The following CNBD1 variants were observed in gnomAD, a reference collection of about 807,000 sequenced individuals.
The protein encoded by CNBD1 is cyclic nucleotide binding domain containing 1.
A neutral mutation model predicts 54.4 loss-of-function variants in CNBD1; 71 were observed. The ratio of observed to expected loss-of-function variants is 1.30; its 90% CI spans 1.08 to 1.59. The LOEUF (loss-of-function observed/expected upper bound fraction) is 1.59. CNBD1 is among the 40% of genes most tolerant of loss of function. CNBD1 has a pLI of 0.00. For synonymous variants in CNBD1, 182 were observed against 170.7 expected, an observed-to-expected ratio of 1.07 and a Z score of -0.51; for missense variants, 659 against 518.0, an observed-to-expected ratio of 1.27 and a Z score of -2.64.
intron 10 of CNBD1, among the ~76,000 whole-genome samples, chr8:87,363,996 GT>G (rs1810581799): frequency 6.6e-6 from 1 of 150,842 alleles, no homozygotes; most frequent in South Asian, 2.1e-4. Flanking sequence ...GAATGAAAAA[GT>G]TTTAGACAAA....
At chr8:87,247,596 T>C (rs1421694863) in intron 6 of CNBD1, among the ~76,000 whole-genome samples, 3 of 150,702 alleles carry the variant, frequency 2.0e-5, no homozygotes, top group Non-Finnish European at 4.4e-5. Flanking sequence ...CCATTCTGCG[T>C]CACTGAAATA....
At chr8:87,129,376 T>A (rs188174398) in intron 4 of CNBD1, among the ~76,000 whole-genome samples, 385 of 152,264 alleles carry the variant, frequency 2.5e-3, no homozygotes, top group Non-Finnish European at 3.6e-3. Flanking sequence ...CCTATTTATC[T>A]CTCTGTTATC....
chr8:87,136,592 ATAT>A (rs367640021), intron 4 of CNBD1, among the ~76,000 whole-genome samples: 1 of 72,918 alleles, frequency 1.4e-5, no homozygotes, highest in Admixed American at 2.7e-4. Flanking sequence ...TATAAATTAT[ATAT>A]TATATTTATA....
chr8:87,239,024 A>G (rs921979212), intron 6 of CNBD1, among the ~76,000 whole-genome samples: 2 of 152,248 alleles, frequency 1.3e-5, no homozygotes, highest in South Asian at 2.1e-4. Context: ...TTAAAATTTT[A>G]TCAGTGGTAC....
intron 5 of CNBD1, among the ~76,000 whole-genome samples, chr8:87,220,465 A>G (rs904179935): frequency 5.3e-5 from 8 of 150,430 alleles, no homozygotes; most frequent in African/African-American, 1.5e-4. Flanking sequence ...TGTCCCTTAC[A>G]AGAGTTCTCC....
intron 8 of CNBD1, among the ~76,000 whole-genome samples, chr8:87,299,627 G>T (rs1808945555): frequency 6.6e-6 from 1 of 152,150 alleles, no homozygotes; most frequent in East Asian, 1.9e-4. Flanking sequence ...TGGATTCCTT[G>T]TTTGTTGGAG....
At chr8:87,335,985 G>C (rs934654481) in intron 8 of CNBD1, among the ~76,000 whole-genome samples, 3 of 151,552 alleles carry the variant, frequency 2.0e-5, no homozygotes, top group Non-Finnish European at 4.4e-5. Context: ...GCTGGATATG[G>C]GTTGAAAATT....
intron 8 of CNBD1, among the ~76,000 whole-genome samples, chr8:87,333,538 A>T (rs1809879551): frequency 6.6e-6 from 1 of 152,158 alleles, no homozygotes; most frequent in South Asian, 2.1e-4. Flanking sequence ...TATTATTTTG[A>T]GATATGTTCC....
chr8:87,332,481 T>C (rs1809856883), intron 8 of CNBD1, among the ~76,000 whole-genome samples: 1 of 152,182 alleles, frequency 6.6e-6, no homozygotes, highest in South Asian at 2.1e-4. Context: ...TGGTATTGCC[T>C]AGGTTTTCTT....
intron 3 of CNBD1, among the ~76,000 whole-genome samples, chr8:86,934,702 A>T (rs920728771): frequency 6.6e-6 from 1 of 152,168 alleles, no homozygotes; most frequent in Non-Finnish European, 1.5e-5. Flanking sequence ...GAACCATATG[A>T]GGTGTTTTTT....
At chr8:87,239,073 G>A (rs2130827728) in intron 6 of CNBD1, among the ~76,000 whole-genome samples, 1 of 152,196 alleles carries the variant, frequency 6.6e-6, no homozygotes, top group East Asian at 1.9e-4. Context: ...CTCCAGTGAT[G>A]GATTTGTATT....
At chr8:87,319,182 A>T (rs1663102690) in intron 8 of CNBD1, among the ~76,000 whole-genome samples, 1 of 152,112 alleles carries the variant, frequency 6.6e-6, no homozygotes, top group Non-Finnish European at 1.5e-5. Context: ...TTTCACATTT[A>T]GAATAACACT....
intron 1 of CNBD1, among the ~76,000 whole-genome samples, chr8:86,877,028 A>T (rs1808530913): frequency 6.6e-6 from 1 of 152,094 alleles, no homozygotes; most frequent in African/African-American, 2.4e-5. Context: ...TAGAAAATGC[A>T]TATTTATAAC....
intron 6 of CNBD1, among the ~76,000 whole-genome samples, chr8:87,261,711 T>G (rs72665099): frequency 0.045 from 6,820 of 152,182 alleles, 206 homozygotes; most frequent in Non-Finnish European, 0.066. Context: ...TACAGGTGCC[T>G]ACTTCTAAGT....
At chr8:87,088,036 T>C (rs959653793) in intron 4 of CNBD1, among the ~76,000 whole-genome samples, 2 of 152,180 alleles carry the variant, frequency 1.3e-5, no homozygotes, top group African/African-American at 2.4e-5. Flanking sequence ...TTTGTCACCA[T>C]AGAATAGCCT....
intron 4 of CNBD1, among the ~76,000 whole-genome samples, chr8:87,029,511 T>C (rs1341332673): frequency 6.6e-6 from 1 of 152,024 alleles, no homozygotes; most frequent in African/African-American, 2.4e-5. Context: ...GAAGACAAAA[T>C]CCCTCATGTG....
intron 2 of CNBD1, among the ~76,000 whole-genome samples, chr8:86,892,587 A>G (rs1808786151): frequency 2.0e-5 from 3 of 152,168 alleles, no homozygotes; most frequent in Admixed American, 2.0e-4. Context: ...AAAGAAGAAA[A>G]TAACATTTTA....
intron 4 of CNBD1, among the ~76,000 whole-genome samples, chr8:86,943,451 A>G (rs889862922): frequency 5.3e-5 from 8 of 151,596 alleles, no homozygotes; most frequent in African/African-American, 1.9e-4. Context: ...TTGGTGTGCT[A>G]TAGCTTAATC....
chr8:87,058,174 G>A (rs1810463125), intron 4 of CNBD1, among the ~76,000 whole-genome samples: 4 of 152,186 alleles, frequency 2.6e-5, no homozygotes, highest in Admixed American at 6.5e-5. Flanking sequence ...GATCTCCTTT[G>A]ACTCCACGTG....
Sources: allele counts gnomAD v4.1 joint callset (sites outside exome capture counted in the v4.1 genomes callset), GRCh38; gene constraint gnomAD v4.1.1; transcripts MANE v1.5; gene names NCBI Gene and HGNC (gene_info 2026-07-23, HGNC 2026-07-21).